The following SLC44A2 variants were observed in gnomAD, a reference collection of about 807,000 sequenced individuals.
SLC44A2 encodes choline transporter-like protein 2.
Under a neutral mutation model 90.8 loss-of-function variants are expected in SLC44A2, and 57 were observed. The observed-to-expected ratio is 0.63, with a 90% CI of 0.51 to 0.78. The LOEUF (loss-of-function observed/expected upper bound fraction) is 0.78. Among genes scored for constraint, SLC44A2 ranks in the 30% least tolerant of loss-of-function variants. SLC44A2 has a pLI of 0.00. For synonymous variants in SLC44A2, 355 were observed against 360.7 expected (o/e 0.98, Z 0.18); for missense variants, 794 against 919.7 (o/e 0.86, Z 1.77).
Position 10,636,731 on chromosome 19 carries a change from C to G in SLC44A2, c.1566C>G (p.Leu522=), listed in dbSNP as rs745335240. The change falls in exon 16 of 22, where the codon CTC becomes CTG. Residue 522 remains leucine (L), a synonymous_variant. Coordinates refer to ENST00000335757, the MANE Select transcript of SLC44A2 (RefSeq NM_020428.4). Reference sequence around the variant, plus strand: ...TTGTGCAGATCATCCGTGTGATACTCGAGTACCTGGATCAGCGGCTGAAAG... The same window carrying G: ...TTGTGCAGATCATCCGTGTGATACTGGAGTACCTGGATCAGCGGCTGAAAG... The part of the protein sequence containing the change: ...LAIVQIIRVI[L]EYLDQRLKAA... The G allele has an allele frequency of 8.1e-6, 13 of 1,613,882 alleles. No homozygotes were observed. Among genetic ancestry groups the G allele is most frequent in the Admixed American group, 1.7e-5 (1 of 59,980 alleles).
chr19:10,631,789 T>TG, intron 8 of SLC44A2, 40 bp downstream of exon 8: 1 of 1,614,074 alleles, frequency 6.2e-7, no homozygotes, highest in Non-Finnish European at 8.5e-7. Context: ...CTCACTTTGC[T>TG]GGGTGGGACA....
chr19:10,620,707 T>C (rs1030653430), upstream of SLC44A2, among the ~76,000 whole-genome samples: 8 of 152,046 alleles, frequency 5.3e-5, no homozygotes, highest in Admixed American at 3.9e-4. Context: ...GGGCAGATAA[T>C]TAACAACCAA....
At chr19:10,607,179 C>T (rs936876529) in intron 1 of SLC44A2, among the ~76,000 whole-genome samples, 9 of 152,048 alleles carry the variant, frequency 5.9e-5, no homozygotes, top group African/African-American at 1.9e-4. Context: ...TCCCAAAGTG[C>T]TGAGATTACA....
chr19:10,605,531 T>C (rs1388581692), intron 1 of SLC44A2, among the ~76,000 whole-genome samples: 1 of 150,842 alleles, frequency 6.6e-6, no homozygotes, highest in Non-Finnish European at 1.5e-5. Context: ...AATAAATAAA[T>C]AAATAATAAA....
chr19:10,617,689 C>G (rs1014852467), intron 1 of SLC44A2, among the ~76,000 whole-genome samples: 7 of 152,198 alleles, frequency 4.6e-5, no homozygotes, highest in Admixed American at 3.9e-4. Context: ...ACGGACCGCT[C>G]AAGTGACTAG....
At chr19:10,618,952 ACAATT>A (rs2066877464) in intron 1 of SLC44A2, among the ~76,000 whole-genome samples, 1 of 149,276 alleles carries the variant, frequency 6.7e-6, no homozygotes. Flanking sequence ...TATCATGTAT[ACAATT>A]CTTTTTTTTT....
At chr19:10,635,767 T>A in intron 14 of SLC44A2, 13 of 295,504 alleles carry the variant, frequency 4.4e-5, no homozygotes, top group East Asian at 8.0e-5. Context: ...CATTTTTCCC[T>A]ACTTCCTTTT....
chr19:10,602,517 G>C, exon 1 of SLC44A2: 3 of 1,270,116 alleles, frequency 2.4e-6, no homozygotes, highest in Non-Finnish European at 3.0e-6. Flanking sequence ...TCCGCTCCCC[G>C]CCCCGCCGCG....
rs370711859 is a variant in SLC44A2, at chr19:10,635,991, A to G, written c.1234-332A>G. The G allele has an allele frequency of 2.6e-5, 8 of 306,518 alleles. No homozygotes were observed. In the East Asian group the frequency reaches 6.3e-4, roughly 24 times the overall value. The allele number at this position is 306,518 out of a possible 1,614,324, so 19.0% of individuals were successfully genotyped here. On this transcript the variant is annotated intron_variant, in intron 14 of 21. Transcript: ENST00000335757. Reference sequence around the variant, plus strand: ...ACAGGGTTTCACCATGTTAGCCAGGATGGTCTCGATCTCCTGACCTCGTGA... The same window carrying G: ...ACAGGGTTTCACCATGTTAGCCAGGGTGGTCTCGATCTCCTGACCTCGTGA...
At chr19:10,611,672 A>T (rs1321538948) in intron 1 of SLC44A2, among the ~76,000 whole-genome samples, 1 of 151,826 alleles carries the variant, frequency 6.6e-6, no homozygotes, top group Non-Finnish European at 1.5e-5. Flanking sequence ...ATGCAAAAAA[A>T]TTAGCTGGTC....
At chr19:10,624,404 A>G (rs2066913943), upstream of SLC44A2, among the ~76,000 whole-genome samples, 1 of 152,218 alleles carries the variant, frequency 6.6e-6, no homozygotes, top group African/African-American at 2.4e-5. Flanking sequence ...CCTGGGTTTA[A>G]GCGATTCTCC....
intron 1 of SLC44A2, among the ~76,000 whole-genome samples, chr19:10,606,865 A>ATATG (rs35957648): frequency 0.23 from 32,324 of 143,598 alleles, 4,401 homozygotes; most frequent in East Asian, 0.68. Flanking sequence ...ATACACATAT[A>ATATG]TATGTATGTA....
At chr19:10,625,773 G>A (rs1445158137) in intron 1 of SLC44A2, 103 bp downstream of exon 1, 1 of 1,034,498 alleles carries the variant, frequency 9.7e-7, no homozygotes, top group Non-Finnish European at 1.2e-6. Context: ...GAGGGGGAGC[G>A]CAATTGCAAA....
intron 21 of SLC44A2, 128 bp downstream of exon 21, chr19:10,642,579 G>C: frequency 1.1e-6 from 1 of 891,392 alleles, no homozygotes; most frequent in Non-Finnish European, 1.8e-6. Flanking sequence ...GCTGTCCCTC[G>C]TCCTGGGTCC....
chr19:10,638,144 T>C (rs3859514), intron 19 of SLC44A2, 51 bp downstream of exon 19: 1,045,941 of 1,612,390 alleles, frequency 0.65, 340,984 homozygotes, highest in Admixed American at 0.77. Context: ...GATTTCTGTC[T>C]TCTGTGATGA....
At chr19:10,636,957 A>G (rs1241073155) in intron 16 of SLC44A2, 3 of 578,428 alleles carry the variant, frequency 5.2e-6, no homozygotes, top group African/African-American at 3.8e-5. Context: ...TACTGGGTGG[A>G]ATTCTTGCTG....
chr19:10,642,898 T>A, intron 21 of SLC44A2: 1 of 1,587,312 alleles, frequency 6.3e-7, no homozygotes. Flanking sequence ...GGAGCCCAGG[T>A]GAGGACCTGG....
intron 10 of SLC44A2, among the ~76,000 whole-genome samples, chr19:10,633,657 A>G (rs1455629138): frequency 1.3e-5 from 2 of 151,988 alleles, no homozygotes; most frequent in Non-Finnish European, 2.9e-5. Flanking sequence ...GGTTCTCCCT[A>G]TGTGGCCCAG....
At chr19:10,642,880 T>C (rs763053856) in intron 21 of SLC44A2, 8 of 1,574,230 alleles carry the variant, frequency 5.1e-6, no homozygotes, top group Middle Eastern at 1.8e-4. Flanking sequence ...CCCTGCCGGT[T>C]CCCGGGGGGA....
Sources: gnomAD v4.1 joint callset for allele counts (sites outside exome capture counted in the v4.1 genomes callset) on GRCh38, gnomAD v4.1.1 for gene constraint, MANE v1.5 for transcripts, NCBI Gene and HGNC (gene_info 2026-07-23, HGNC 2026-07-21) for gene names.